The following ERBB4 variants were observed in gnomAD, a reference collection of about 807,000 sequenced individuals.
The protein encoded by ERBB4 is receptor tyrosine-protein kinase erbB-4.
In ERBB4, 42 loss-of-function variants were observed where a neutral mutation model predicts 158.0. That is an observed-to-expected ratio of 0.27 (90% CI 0.21 to 0.34). The LOEUF (loss-of-function observed/expected upper bound fraction) is 0.34, where lower values mean the gene tolerates loss of function less well. ERBB4 is among the 10% of genes least tolerant of loss of function. The probability of loss-of-function intolerance (pLI) is 1.00; values close to 1 mark genes in which losing one functional copy is unlikely to be tolerated. For missense variants in ERBB4, 1,333 were observed against 1,624.1 expected (o/e 0.82, Z 3.08); for synonymous variants, 583 against 558.7 (o/e 1.04, Z -0.61).
chr2:211,419,583 C>A (rs2063472000), intron 25 of ERBB4, among the ~76,000 whole-genome samples: 1 of 152,022 alleles, frequency 6.6e-6, no homozygotes, highest in Admixed American at 6.6e-5. Context: ...TTTACTACTT[C>A]TTCATGCTCC....
At chr2:211,812,916 C>T (rs796159280) in intron 3 of ERBB4, among the ~76,000 whole-genome samples, 30 of 152,306 alleles carry the variant, frequency 2.0e-4, no homozygotes, top group East Asian at 1.5e-3. Context: ...AGTATTTGGG[C>T]GGGAGTGTCC....
intron 3 of ERBB4, among the ~76,000 whole-genome samples, chr2:211,941,816 C>T (rs758492421): frequency 1.3e-5 from 2 of 149,812 alleles, no homozygotes; most frequent in Non-Finnish European, 3.0e-5. Context: ...ATAGTTTTCT[C>T]AATGTGGTAA....
rs923395545 is a variant in ERBB4, at chr2:212,392,664, G to A, written c.82+145785C>T. On this transcript the variant is annotated intron_variant, in intron 1 of 27. Transcript: ENST00000342788. ...AAAATAGCACAGAGAATGAGTTCCC[G>A]ATCATCCTTTAAGACCCAGCTCAAA... 9.2e-5 allele frequency among the ~76,000 whole-genome samples: 14 copies of A among 152,142 alleles called. No homozygotes were observed. The East Asian group carries it at 1.4e-3, about 15-fold the overall frequency.
rs566211797 is a variant in ERBB4, at chr2:211,947,441, T to C, written c.410A>G (p.Lys137Arg). ...GATATATTCCTTACCTGTCAAGTTC[T>C]TTAATCCAAGTTCTTGAAGTCCAAA... ...GNFGLQELGL[K>R]NLTEILNGGV... is the part of the protein sequence containing the mutation. Residue 137 changes from lysine to arginine, a missense_variant, in exon 3 of 28, where the codon AAG becomes AGG. Physicochemically the swap from Lys to Arg is conservative, Grantham distance 26. This residue lies in a region of ERBB4 where 438 missense variants were observed against 586.9 expected (regional missense o/e 0.75). Coordinates refer to ENST00000342788, the MANE Select transcript of ERBB4 (RefSeq NM_005235.3). The C allele has an allele frequency of 8.1e-6, 13 of 1,613,640 alleles. No individual in the cohort carries two copies. Among genetic ancestry groups the C allele is most frequent in the Admixed American group, 1.7e-5 (1 of 60,000 alleles).
intron 2 of ERBB4, among the ~76,000 whole-genome samples, chr2:212,065,536 C>T (rs1341699435): frequency 6.6e-6 from 1 of 151,994 alleles, no homozygotes; most frequent in Non-Finnish European, 1.5e-5. Flanking sequence ...ATCCAGATTA[C>T]TTTACTTTTC....
chr2:211,657,181 A>G (rs1161374450), intron 16 of ERBB4, among the ~76,000 whole-genome samples: 1 of 151,638 alleles, frequency 6.6e-6, no homozygotes, highest in Non-Finnish European at 1.5e-5. Context: ...AAAGGTATAT[A>G]TTAATAACTC....
At chr2:212,247,986 T>G (rs2084375596) in intron 1 of ERBB4, among the ~76,000 whole-genome samples, 1 of 152,000 alleles carries the variant, frequency 6.6e-6, no homozygotes, top group African/African-American at 2.4e-5. Context: ...TAAATAAAAA[T>G]TAATGGTGTT....
intron 7 of ERBB4, among the ~76,000 whole-genome samples, chr2:211,716,855 T>G (rs2073934423): frequency 6.6e-6 from 1 of 152,000 alleles, no homozygotes; most frequent in Admixed American, 6.5e-5. Context: ...TAAATTAGCC[T>G]GTAGTTTGAG....
intron 2 of ERBB4, among the ~76,000 whole-genome samples, chr2:212,094,433 G>A (rs2078869020): frequency 6.6e-6 from 1 of 150,654 alleles, no homozygotes; most frequent in Non-Finnish European, 1.5e-5. Flanking sequence ...CTATTTTTAG[G>A]TAAAGATTGT....
At chr2:211,953,001 G>GT (rs776552164) in intron 2 of ERBB4, among the ~76,000 whole-genome samples, 2 of 151,982 alleles carry the variant, frequency 1.3e-5, no homozygotes, top group Non-Finnish European at 2.9e-5. Flanking sequence ...TTCAGAAATG[G>GT]TTCCTTATAC....
intron 3 of ERBB4, among the ~76,000 whole-genome samples, chr2:211,788,763 C>T (rs1275733020): frequency 6.6e-6 from 1 of 152,076 alleles, no homozygotes; most frequent in Non-Finnish European, 1.5e-5. Flanking sequence ...GTGACATTGA[C>T]TGCAGTCAGT....
chr2:211,934,819 C>T (rs763876236), intron 3 of ERBB4, among the ~76,000 whole-genome samples: 1 of 150,626 alleles, frequency 6.6e-6, no homozygotes, highest in Non-Finnish European at 1.5e-5. Context: ...TGATAGCATA[C>T]TTTTCAATGT....
chr2:212,127,401 G>A (rs533831178), intron 1 of ERBB4, among the ~76,000 whole-genome samples: 1 of 152,250 alleles, frequency 6.6e-6, no homozygotes, highest in East Asian at 1.9e-4. Flanking sequence ...GACCATCCTG[G>A]TCAACACAGT....
intron 8 of ERBB4, among the ~76,000 whole-genome samples, chr2:211,712,608 C>T (rs946110462): frequency 6.6e-6 from 1 of 151,990 alleles, no homozygotes; most frequent in Non-Finnish European, 1.5e-5. Flanking sequence ...TGGTCTACAA[C>T]CTGCAATTTT....
chr2:212,512,093 C>T (rs944353259), intron 1 of ERBB4, among the ~76,000 whole-genome samples: 7 of 152,082 alleles, frequency 4.6e-5, no homozygotes, highest in Admixed American at 6.5e-5. Context: ...CGATAATAGG[C>T]TTAGAACAAT....
chr2:211,856,011 C>G (rs1205394271), intron 3 of ERBB4, among the ~76,000 whole-genome samples: 1 of 152,124 alleles, frequency 6.6e-6, no homozygotes, highest in Non-Finnish European at 1.5e-5. Context: ...TTCATGGGTA[C>G]AACGTACCTT....
chr2:211,443,200 C>T (rs1325815578), intron 20 of ERBB4, among the ~76,000 whole-genome samples: 2 of 151,916 alleles, frequency 1.3e-5, no homozygotes, highest in Non-Finnish European at 2.9e-5. Context: ...CAAACATAAC[C>T]TCATAACAAT....
chr2:211,869,675 T>C (rs2078294991), intron 3 of ERBB4, among the ~76,000 whole-genome samples: 1 of 152,172 alleles, frequency 6.6e-6, no homozygotes, highest in African/African-American at 2.4e-5. Flanking sequence ...TTACATTGCT[T>C]AAAATATAAC....
intron 1 of ERBB4, among the ~76,000 whole-genome samples, chr2:212,282,718 C>T (rs142389961): frequency 6.6e-6 from 1 of 151,846 alleles, no homozygotes; most frequent in Non-Finnish European, 1.5e-5. Flanking sequence ...AGCAGAATCT[C>T]CAGGGAAAGT....
Sources: gnomAD v4.1 joint callset for allele counts (sites outside exome capture counted in the v4.1 genomes callset) on GRCh38, gnomAD v4.1.1 for gene constraint, gnomAD v4.1.1 regional missense constraint, MANE v1.5 for transcripts, NCBI Gene and HGNC (gene_info 2026-07-23, HGNC 2026-07-21) for gene names.